Variants in SCOC observed in about 807,000 individuals in gnomAD.
SCOC encodes short coiled coil protein.
In SCOC, 7 loss-of-function variants were observed where a neutral mutation model predicts 9.9. The observed-to-expected ratio is 0.71, with a 90% CI of 0.40 to 1.33. The LOEUF is 1.33. Among genes scored for constraint, SCOC ranks in the 40% most tolerant of loss-of-function variants. The probability of loss-of-function intolerance (pLI) is 0.01; values close to 1 mark genes in which losing one functional copy is unlikely to be tolerated. For synonymous variants in SCOC, 19 were observed against 28.2 expected (o/e 0.67, Z 1.03); for missense variants, 66 against 89.7 (o/e 0.74, Z 1.07).
At chr4:140,286,097 T>C (rs1731259421) in intron 1 of SCOC, among the ~76,000 whole-genome samples, 1 of 151,846 alleles carries the variant, frequency 6.6e-6, no homozygotes, top group East Asian at 1.9e-4. Context: ...GGCAGGAGAA[T>C]TGTTTGAACC....
intron 1 of SCOC, chr4:140,293,419 G>A (rs1293163699): frequency 6.6e-6 from 3 of 456,580 alleles, no homozygotes; most frequent in Non-Finnish European, 1.3e-5. Context: ...ATTTGTTGAG[G>A]TAAACTAAAA....
At chr4:140,343,454 A>C (rs1726583070) in exon 1 of SCOC, 1 of 514,162 alleles carries the variant, frequency 1.9e-6, no homozygotes, top group African/African-American at 1.9e-5. Context: ...CTTCCGGTTA[A>C]GAATGCAACA....
intron 1 of SCOC, among the ~76,000 whole-genome samples, chr4:140,269,399 C>T (rs182050916): frequency 5.9e-5 from 9 of 152,126 alleles, no homozygotes; most frequent in Admixed American, 2.0e-4. Context: ...CCTAAGCTGC[C>T]GTGTAAGGCA....
upstream of SCOC, chr4:140,373,354 T>G (rs569379049): frequency 2.8e-6 from 4 of 1,432,472 alleles, no homozygotes; most frequent in African/African-American, 1.4e-5. Flanking sequence ...GGTTTCCTGA[T>G]AGACCTGATG....
chr4:140,369,594 C>T (rs1474719213), upstream of SCOC, among the ~76,000 whole-genome samples: 1 of 152,100 alleles, frequency 6.6e-6, no homozygotes, highest in Non-Finnish European at 1.5e-5. Context: ...CAGACTGGAA[C>T]ATCAAAAAGA....
chr4:140,283,385 C>T (rs774215862), intron 1 of SCOC, among the ~76,000 whole-genome samples: 2 of 152,122 alleles, frequency 1.3e-5, no homozygotes, highest in Non-Finnish European at 2.9e-5. Context: ...TTTGTCCTGT[C>T]CTCAACATTT....
At chr4:140,294,973 A>C (rs1731581360) in intron 1 of SCOC, among the ~76,000 whole-genome samples, 1 of 152,214 alleles carries the variant, frequency 6.6e-6, no homozygotes, top group Non-Finnish European at 1.5e-5. Flanking sequence ...ATAAATTTGA[A>C]ATTAAACCCC....
chr4:140,290,892 T>C (rs1158931878), intron 1 of SCOC, among the ~76,000 whole-genome samples: 5 of 152,214 alleles, frequency 3.3e-5, no homozygotes, highest in African/African-American at 1.2e-4. Flanking sequence ...TGATGTTCCA[T>C]GGTCCAGCAT....
intron 2 of SCOC, among the ~76,000 whole-genome samples, chr4:140,359,883 C>T (rs910252406): frequency 6.6e-6 from 1 of 152,200 alleles, no homozygotes; most frequent in African/African-American, 2.4e-5. Flanking sequence ...GCTCTTCCTC[C>T]GCATGGAACT....
At chr4:140,379,342 A>G in intron 2 of SCOC, 150 bp downstream of exon 2, 1 of 714,266 alleles carries the variant, frequency 1.4e-6, no homozygotes. Flanking sequence ...AGAAAGGACC[A>G]ACCAAAGCAG....
chr4:140,362,238 A>C (rs1380791121), intron 2 of SCOC, among the ~76,000 whole-genome samples: 1 of 140,250 alleles, frequency 7.1e-6, no homozygotes, highest in Non-Finnish European at 1.5e-5. Context: ...CAATTGTTTT[A>C]AAACAAACTA....
At chr4:140,365,281 G>C (rs2126566109) in intron 2 of SCOC, among the ~76,000 whole-genome samples, 1 of 152,240 alleles carries the variant, frequency 6.6e-6, no homozygotes, top group Admixed American at 6.5e-5. Context: ...AGACATGGTG[G>C]AGATTGGTGC....
chr4:140,345,156 G>A (rs560030982), intron 2 of SCOC, among the ~76,000 whole-genome samples: 2 of 152,294 alleles, frequency 1.3e-5, no homozygotes, highest in East Asian at 1.9e-4. Context: ...GAGCCTGGAC[G>A]TGTGGGCATG....
At chr4:140,323,267 C>G (rs1470396150) in intron 1 of SCOC, among the ~76,000 whole-genome samples, 1 of 152,096 alleles carries the variant, frequency 6.6e-6, no homozygotes, top group Non-Finnish European at 1.5e-5. Context: ...TGCTCCTGCT[C>G]TAAGTGACAT....
chr4:140,272,734 G>A (rs1730877294), intron 1 of SCOC, among the ~76,000 whole-genome samples: 1 of 152,112 alleles, frequency 6.6e-6, no homozygotes, highest in Non-Finnish European at 1.5e-5. Flanking sequence ...CAAGAAGAAA[G>A]GGATACTTTT....
In SCOC at chr4:140,286,500, T is replaced by C. The variant is rs1731273437; in HGVS notation, c.-19+29090T>C. 2.0e-5 allele frequency among the ~76,000 whole-genome samples: 3 copies of C among 152,298 alleles called. No individual in the cohort carries two copies. In the South Asian group the frequency reaches 6.2e-4, roughly 32 times the overall value. ...AGCTTCCAACAGATGAGATCTGGTGTCTGCAAAGACAAAGCAGAGCCAAAA... is the reference window on the plus strand; with the variant it reads ...AGCTTCCAACAGATGAGATCTGGTGCCTGCAAAGACAAAGCAGAGCCAAAA... On this transcript the variant is annotated intron_variant, in intron 1 of 4. Transcript: ENST00000394205.
chr4:140,362,307 T>TCCTCTTCCTCTTC (rs1367879973), intron 2 of SCOC, among the ~76,000 whole-genome samples: 1 of 67,656 alleles, frequency 1.5e-5, no homozygotes, highest in African/African-American at 4.8e-5. Flanking sequence ...TTCTTTTTTT[T>TCCTCTTCCTCTTC]TTTTTTTTGT....
chr4:140,384,191 G>T lies in SCOC; in HGVS notation c.*3087G>T, dbSNP rs980673342. 1 of 152,134 alleles carries T rather than the reference G, an allele frequency of 6.6e-6. No individual in the cohort carries two copies. Among genetic ancestry groups the T allele is most frequent in the Non-Finnish European group, 1.5e-5 (1 of 68,042 alleles). 9.4% of individuals were successfully genotyped at this position (152,134 alleles called of 1,614,324 possible). A position where few individuals can be genotyped will look rare whatever the true frequency, so the allele number is the denominator to read the frequency against. On this transcript the variant is annotated 3_prime_UTR_variant, in exon 4 of 4. Transcript: ENST00000608372. ...AATAGCCAATTCACTTAACATTCTG[G>T]CTTTTTCCAGCTAGAGCTATCAGAT...
At chr4:140,360,564 C>T in intron 2 of SCOC, 1 of 152,152 alleles carries the variant, frequency 6.6e-6, no homozygotes, top group East Asian at 1.9e-4. Context: ...AGAGAGATAA[C>T]TTGATAGGAA....
Sources: gnomAD v4.1 joint callset for allele counts (sites outside exome capture counted in the v4.1 genomes callset) on GRCh38, gnomAD v4.1.1 for gene constraint, MANE v1.5 for transcripts, NCBI Gene and HGNC (gene_info 2026-07-23, HGNC 2026-07-21) for gene names.